ZCWPW1: variants seen among roughly 807,000 people sequenced by gnomAD.
ZCWPW1 encodes zinc finger CW-type PWWP domain protein 1.
A neutral mutation model predicts 81.3 loss-of-function variants in ZCWPW1; 56 were observed. The ratio of observed to expected loss-of-function variants is 0.69; its 90% CI spans 0.56 to 0.86. ZCWPW1 has a LOEUF of 0.86. Ranked by LOEUF, ZCWPW1 falls within the 40% of genes least tolerant of loss-of-function variation. ZCWPW1 has a pLI of 0.00. For missense variants in ZCWPW1, 650 were observed against 769.8 expected (o/e 0.84, Z 1.84); for synonymous variants, 250 against 273.7 (o/e 0.91, Z 0.86).
intron 2 of ZCWPW1, 38 bp downstream of exon 2, chr7:100,424,992 T>C (rs1457592509): frequency 6.6e-6 from 1 of 152,168 alleles, no homozygotes; most frequent in Non-Finnish European, 1.5e-5. Flanking sequence ...GTATAATCTG[T>C]GCATGTGATA....
chr7:100,412,506 T>C lies in ZCWPW1; in HGVS notation c.755-2962A>G, dbSNP rs192078787. Among the ~76,000 whole-genome samples the C allele has an allele frequency of 3.5e-3, 540 of 152,328 alleles. 4 individuals are homozygous for C. Among genetic ancestry groups the C allele is most frequent in the African/African-American group, 0.012 (512 of 41,582 alleles). ...AATTCATTACCAACTTCTAACAATT[T>C]TACCTCCAAAACATACCTTAAAACC... On this transcript the variant is annotated intron_variant, in intron 8 of 17. Transcript: ENST00000684423.
chr7:100,421,281 G>A (rs66632384), intron 2 of ZCWPW1, among the ~76,000 whole-genome samples: 26,695 of 152,164 alleles, frequency 0.18, 2,477 homozygotes, highest in Middle Eastern at 0.2. Context: ...AAGCATAGGT[G>A]GTAGTAGAGC....
At position 100,401,104 on chromosome 7, in the gene ZCWPW1, T is replaced by C. The variant is rs1024884510; in HGVS notation, c.1860A>G (p.Glu620=). Residue 620 remains glutamate, a synonymous_variant, in exon 18 of 18, where the codon GAA becomes GAG. Coordinates refer to ENST00000684423, the MANE Select transcript of ZCWPW1 (RefSeq NM_001386010.1). The stretch of plus-strand genomic sequence containing the variant: ...TCTGCCCCAGCTCTCTCCCAACATC[T>C]TCCATGAGTTGCTCCAGGTCCAGGT... ...SSDLDLEQLM[E]DVGRELGQSG... is the part of the protein sequence containing the mutation. The C allele has an allele frequency of 6.2e-7, 1 of 1,614,052 alleles. No individual in the cohort carries two copies. The highest frequency in any genetic ancestry group is 1.3e-5 in the African/African-American group (1 of 74,928).
chr7:100,402,542 A>G lies in ZCWPW1; in HGVS notation c.1448T>C (p.Ile483Thr). The G allele has an allele frequency of 6.2e-7, 1 of 1,614,102 alleles. No individual in the cohort carries two copies. The highest frequency in any genetic ancestry group is 2.2e-5 in the East Asian group (1 of 44,886). Residue 483 changes from isoleucine to threonine, a missense_variant, in exon 16 of 18, where the codon ATA becomes ACA. Ile to Thr is a moderately conservative substitution (Grantham distance 89, BLOSUM62 -1). Coordinates refer to ENST00000684423, the MANE Select transcript of ZCWPW1 (RefSeq NM_001386010.1). ...PILPIRKRVKIQTQKTKPRGL... is the reference protein window; with the variant it reads ...PILPIRKRVKTQTQKTKPRGL... Reference sequence around the variant, plus strand: ...TCTTGGCTTGGTTTTTTGGGTCTGTATTTTGACTCGCTTACGAATGGGCAA... The same window carrying G: ...TCTTGGCTTGGTTTTTTGGGTCTGTGTTTTGACTCGCTTACGAATGGGCAA...
intron 10 of ZCWPW1, 109 bp from the exon 11 acceptor site, chr7:100,407,412 A>G: frequency 1.0e-6 from 1 of 987,454 alleles, no homozygotes; most frequent in Non-Finnish European, 1.5e-6. Context: ...TTTTTTTCTG[A>G]GACAAGGTCT....
chr7:100,405,036 CTT>C lies in ZCWPW1; in HGVS notation c.1229_1230del (p.Gln410ArgfsTer12), dbSNP rs757267690. ...QKLGVALMMA[Q>X]EAEQISIQER... is the part of the protein sequence containing the mutation. ...ACCTGAATGCTGATCTGTTCTGCCT[CTT>C]GAGCCATCATCAGGGCCACCCCCAG... On this transcript the variant is annotated frameshift_variant, in exon 13 of 18. Transcript: ENST00000684423. LOFTEE classifies it high-confidence loss of function. The C allele has an allele frequency of 7.4e-6, 12 of 1,613,598 alleles. No individual in the cohort carries two copies. In the Admixed American group the frequency reaches 1.2e-4, roughly 16 times the overall value.
rs1291084780 is a variant in ZCWPW1, at chr7:100,401,218, G to T, written c.1746C>A (p.Cys582Ter). 1 of 1,614,114 alleles carries T rather than the reference G, an allele frequency of 6.2e-7. No individual in the cohort carries two copies. The highest frequency in any genetic ancestry group is 1.7e-5 in the Admixed American group (1 of 60,014). Residue 582 changes from cysteine to a stop codon, truncating the protein, a stop_gained, in exon 18 of 18, where the codon TGC becomes TGA. Coordinates refer to ENST00000684423, the MANE Select transcript of ZCWPW1 (RefSeq NM_001386010.1). LOFTEE classifies it low-confidence loss of function (END_TRUNC). ...TGGGCTCTTCTTTCGCAGATGAGGG[G>T]CAGGCCCCCTTACACGCTGATAGGC... The part of the protein sequence containing the change: ...NLGLSACKGA[C>*]PSSAKEEPRH...
At chr7:100,407,526 G>A (rs979889145) in intron 10 of ZCWPW1, among the ~76,000 whole-genome samples, 19 of 152,132 alleles carry the variant, frequency 1.2e-4, no homozygotes, top group African/African-American at 4.1e-4. Flanking sequence ...CTGAGGAGCT[G>A]GGACTACAGG....
At position 100,416,106 on chromosome 7, in the gene ZCWPW1, A is replaced by C; in HGVS notation, c.632-9T>G. The C allele has an allele frequency of 6.2e-7, 1 of 1,613,332 alleles. No homozygotes were observed. Among genetic ancestry groups the C allele is most frequent in the South Asian group, 1.1e-5 (1 of 91,044 alleles). ...CTCCACCTTCTCATCTTCTGGGAAGAAAAAAGAAAACGTGAGGTGGGGAGA... is the reference window on the plus strand; with the variant it reads ...CTCCACCTTCTCATCTTCTGGGAAGCAAAAAGAAAACGTGAGGTGGGGAGA... On this transcript the variant is annotated splice_polypyrimidine_tract_variant and intron_variant, in intron 7 of 17. Transcript: ENST00000684423.
At chr7:100,412,576 ATT>A (rs986528620) in intron 8 of ZCWPW1, among the ~76,000 whole-genome samples, 1 of 149,096 alleles carries the variant, frequency 6.7e-6, no homozygotes, top group Non-Finnish European at 1.5e-5. Context: ...AATCCATTTT[ATT>A]TTTTTTTTAT....
chr7:100,401,030 G>A lies in ZCWPW1; in HGVS notation c.1934C>T (p.Ala645Val), dbSNP rs200988509. ...SNSDGEDFPVALFGK is the reference protein window; with the variant it reads ...SNSDGEDFPVVLFGK ...GAGCACCAGCTACTTCCCAAACAGC[G>A]CCACGGGGAAGTCCTCGCCATCACT... Residue 645 changes from alanine to valine, a missense_variant, in exon 18 of 18, where the codon GCG becomes GTG. Physicochemically the swap from Ala to Val is moderately conservative, Grantham distance 64. Transcript: ENST00000684423. 1.4e-5 allele frequency: 23 copies of A among 1,608,998 alleles called. No individual in the cohort carries two copies. Among genetic ancestry groups the A allele is most frequent in the Middle Eastern group, 1.7e-4 (1 of 6,042 alleles).
intron 1 of ZCWPW1, 71 bp downstream of exon 1, chr7:100,428,495 TCA>T (rs1798186854): frequency 1.3e-5 from 2 of 152,640 alleles, no homozygotes. Context: ...CTTTTCTGTT[TCA>T]GACTGCCTTT....
chr7:100,409,413 T>G lies in ZCWPW1; in HGVS notation c.871+15A>C. 1 of 1,570,900 alleles carries G rather than the reference T, an allele frequency of 6.4e-7. No individual in the cohort carries two copies. Among genetic ancestry groups the G allele is most frequent in the Non-Finnish European group, 8.7e-7 (1 of 1,143,534 alleles). ...ACAATAAAACATGAATGAAAACATT[T>G]CCAGTCTTTTCTACCTGTGTTCTGA... is the stretch of plus-strand genomic sequence containing the variant. On this transcript the variant is annotated intron_variant, in intron 9 of 17. Coordinates refer to ENST00000684423, the MANE Select transcript of ZCWPW1 (RefSeq NM_001386010.1).
Position 100,408,700 on chromosome 7 carries a change from C to A in ZCWPW1, c.872-41G>T, listed in dbSNP as rs371389350. On this transcript the variant is annotated intron_variant, in intron 9 of 17. Transcript: ENST00000684423. ...AGGAATGAAGGGACAGGAAGAGACT[C>A]TTTAAGAGAAAGAGCTGGATGAGAG... is the stretch of plus-strand genomic sequence containing the variant. The A allele has an allele frequency of 3.5e-5, 56 of 1,596,194 alleles. No individual in the cohort carries two copies. The African/African-American group carries it at 7.0e-4, about 20-fold the overall frequency.
At chr7:100,406,246 T>C (rs1022336396) in intron 12 of ZCWPW1, among the ~76,000 whole-genome samples, 1 of 152,078 alleles carries the variant, frequency 6.6e-6, no homozygotes, top group Non-Finnish European at 1.5e-5. Context: ...TTTTTGGTTG[T>C]CACAACCATG....
rs751871561 is a variant in ZCWPW1 at position 100,419,210 on chromosome 7, G to A, written c.283-21C>T. ...TTTTCCTGCAGAGACAAGGGTAGGG[G>A]AGGAAAACCACTTATCTTTCCATAG... On this transcript the variant is annotated intron_variant, in intron 4 of 17. Coordinates refer to ENST00000684423, the MANE Select transcript of ZCWPW1 (RefSeq NM_001386010.1). 3.7e-6 allele frequency: 6 copies of A among 1,602,772 alleles called. No individual in the cohort carries two copies. The African/African-American group carries it at 6.7e-5, about 18-fold the overall frequency.
At chr7:100,415,451 T>C (rs571848335) in intron 8 of ZCWPW1, among the ~76,000 whole-genome samples, 16 of 152,174 alleles carry the variant, frequency 1.1e-4, no homozygotes, top group African/African-American at 3.6e-4. Flanking sequence ...AAGTGTCTAC[T>C]CTTCAACCAG....
At position 100,428,647 on chromosome 7, in the gene ZCWPW1, G is replaced by T. The variant is rs771202135; in HGVS notation, c.-216C>A. The T allele has an allele frequency of 6.6e-6, 1 of 152,370 alleles. No individual in the cohort carries two copies. The highest frequency in any genetic ancestry group is 2.4e-5 in the African/African-American group (1 of 41,466). The allele number at this position is 152,370 out of a possible 1,614,324, so 9.4% of individuals were successfully genotyped here. A position where few individuals can be genotyped will look rare whatever the true frequency, so the allele number is the denominator to read the frequency against. On this transcript the variant is annotated 5_prime_UTR_variant, in exon 1 of 18. Transcript: ENST00000684423. Reference sequence around the variant, plus strand: ...CGGCCCAGCACTCCGCTGGCAGGGAGACCGGGCGGCGCATCTCCCCGGGAA... The same window carrying T: ...CGGCCCAGCACTCCGCTGGCAGGGATACCGGGCGGCGCATCTCCCCGGGAA...
rs563871807 is a variant in ZCWPW1 at position 100,401,751 on chromosome 7, G to A, written c.1627+138C>T. On this transcript the variant is annotated intron_variant, in intron 17 of 17. Coordinates refer to ENST00000684423, the MANE Select transcript of ZCWPW1 (RefSeq NM_001386010.1). The stretch of plus-strand genomic sequence containing the variant: ...CTATAGTGTGTGCTGGGTGCAGTCC[G>A]AGACGCTCTTTCATTCTAATTTTCA... 1.4e-5 allele frequency: 17 copies of A among 1,187,602 alleles called. No individual in the cohort carries two copies. The Admixed American group carries it at 2.0e-4, about 14-fold the overall frequency. The allele number at this position is 1,187,602 out of a possible 1,614,324, so 73.6% of individuals were successfully genotyped here.
Sources: allele counts gnomAD v4.1 joint callset (sites outside exome capture counted in the v4.1 genomes callset), GRCh38; gene constraint gnomAD v4.1.1; transcripts MANE v1.5; gene names NCBI Gene and HGNC (gene_info 2026-07-23, HGNC 2026-07-21).